The following STRN4 variants were observed in gnomAD, a reference collection of about 807,000 sequenced individuals.
STRN4 encodes the protein striatin 4.
Under a neutral mutation model 77.9 loss-of-function variants are expected in STRN4, and 27 were observed. The observed-to-expected ratio is 0.35, with a 90% CI of 0.26 to 0.48. STRN4 has a LOEUF of 0.48. Among genes scored for constraint, STRN4 ranks in the 20% least tolerant of loss-of-function variants. The pLI, the probability that STRN4 is intolerant of heterozygous loss-of-function variation, is 0.99. For missense variants in STRN4, 798 were observed against 1,049.7 expected, an observed-to-expected ratio of 0.76 and a Z score of 3.31; for synonymous variants, 466 against 443.1, an observed-to-expected ratio of 1.05 and a Z score of -0.65.
Position 46,725,882 on chromosome 19 carries a change from G to A in STRN4, c.1249-234C>T, listed in dbSNP as rs144257868. 120 of 567,894 alleles carry A rather than the reference G, an allele frequency of 2.1e-4. 1 individual carries two copies. The Middle Eastern group carries it at 7.6e-3, about 36-fold the overall frequency. The allele number at this position is 567,894 out of a possible 1,614,324, so 35.2% of individuals were successfully genotyped here. On this transcript the variant is annotated intron_variant, in intron 9 of 17. Transcript: ENST00000263280. ...GTTCTGGAGAGACAAAGGTGAGCCT[G>A]ACCCCTTGGGGTCTTGCAGTTGAGA...
At position 46,727,896 on chromosome 19, in the gene STRN4, T is replaced by A. The variant is rs1336077586; in HGVS notation, c.1151A>T (p.Glu384Val). ...PPGTPQPRPH[E>V]DVFIMDTIGG... ...ACCAGGTGGGGGGTGCCTCTTACCTTCATGTGGCCGGGGCTGGGGTGTGCC... is the reference window on the plus strand; with the variant it reads ...ACCAGGTGGGGGGTGCCTCTTACCTACATGTGGCCGGGGCTGGGGTGTGCC... Residue 384 changes from glutamate to valine, a missense_variant and splice_region_variant, in exon 8 of 18, where the codon GAA becomes GTA. Transcript: ENST00000263280. 17 of 1,601,418 alleles carry A rather than the reference T, an allele frequency of 1.1e-5. No homozygotes were observed. The highest frequency in any genetic ancestry group is 1.4e-5 in the Non-Finnish European group (16 of 1,172,516).
chr19:46,741,103 G>C lies in STRN4; in HGVS notation c.283-2215C>G, dbSNP rs889967592. ...AGCTCCAGCTAAAACATGGAGAACTGACTGGAGGGAGTTCTGGAGGGAGAC... is the reference window on the plus strand; with the variant it reads ...AGCTCCAGCTAAAACATGGAGAACTCACTGGAGGGAGTTCTGGAGGGAGAC... On this transcript the variant is annotated intron_variant, in intron 1 of 17. Coordinates refer to ENST00000263280, the MANE Select transcript of STRN4 (RefSeq NM_013403.3). The surrounding 1 kb of genome is among the most constrained non-coding windows in gnomAD (Gnocchi z 4.9). Among the ~76,000 whole-genome samples the C allele has an allele frequency of 1.3e-5, 2 of 152,206 alleles. No individual in the cohort carries two copies. Among genetic ancestry groups the C allele is most frequent in the African/African-American group, 4.8e-5 (2 of 41,464 alleles).
chr19:46,728,566 A>C, intron 7 of STRN4, 52 bp downstream of exon 7: 1 of 1,583,380 alleles, frequency 6.3e-7, no homozygotes. Context: ...GCCTGCTCCC[A>C]CCCCCTCGGT....
At position 46,723,134 on chromosome 19, in the gene STRN4, C is replaced by CAG. The variant is rs1326156554; in HGVS notation, c.1743_1744dup (p.Cys582SerfsTer64). On this transcript the variant is annotated frameshift_variant, in exon 13 of 18. Transcript: ENST00000263280. LOFTEE classifies it high-confidence loss of function. This position sits in a 1 kb window ranked among gnomAD's most constrained non-coding sequence, Gnocchi z 5.5. ...CTCACCGCTGGCTGTGGGGAAGGTG[C>CAG]AGAGGCAGGCCGGGCTGCTGCTGCT... is the stretch of plus-strand genomic sequence containing the variant. 3 of 1,568,174 alleles carry CAG rather than the reference C, an allele frequency of 1.9e-6. No individual in the cohort carries two copies. The African/African-American group carries it at 4.1e-5, about 21-fold the overall frequency.
Position 46,733,058 on chromosome 19 carries a change from T to G in STRN4, c.718A>C (p.Ile240Leu). 1 of 1,611,526 alleles carries G rather than the reference T, an allele frequency of 6.2e-7. No homozygotes were observed. The highest frequency in any genetic ancestry group is 2.2e-5 in the East Asian group (1 of 44,784). ...GCTCACCTCTTTATCTGCTCCTCGATCTGTTTCACCAGCAGCGACTCCCCA... is the reference window on the plus strand; with the variant it reads ...GCTCACCTCTTTATCTGCTCCTCGAGCTGTTTCACCAGCAGCGACTCCCCA... ...SGGESLLVKQ[I>L]EEQIKRNAAG... Residue 240 changes from isoleucine to leucine, a missense_variant, in exon 5 of 18, where the codon ATC becomes CTC. Ile to Leu is a conservative substitution (Grantham distance 5, BLOSUM62 2). This residue lies in a region of STRN4 where 511 missense variants were observed against 575.9 expected (regional missense o/e 0.89). Coordinates refer to ENST00000263280, the MANE Select transcript of STRN4 (RefSeq NM_013403.3). This position sits in a 1 kb window ranked among gnomAD's most constrained non-coding sequence, Gnocchi z 4.3.
Position 46,733,521 on chromosome 19 carries a change from G to A in STRN4, c.540-285C>T, listed in dbSNP as rs1191631922. On this transcript the variant is annotated intron_variant, in intron 4 of 17. Transcript: ENST00000263280. This position sits in a 1 kb window ranked among gnomAD's most constrained non-coding sequence, Gnocchi z 4.3. ...GCACCCACCGACAGGGGCTGTGTCA[G>A]CAAATGACTCATAGCGCTGCAAGGC... is the stretch of plus-strand genomic sequence containing the variant. 4 of 410,402 alleles carry A rather than the reference G, an allele frequency of 9.7e-6. No homozygotes were observed. The East Asian group carries it at 1.8e-4, about 18-fold the overall frequency. The allele number at this position is 410,402 out of a possible 1,614,324, so 25.4% of individuals were successfully genotyped here. A position where few individuals can be genotyped will look rare whatever the true frequency, so the allele number is the denominator to read the frequency against.
Position 46,741,521 on chromosome 19 carries a change from G to A in STRN4, c.283-2633C>T, listed in dbSNP as rs1223508542. ...AGCGTCAGTGGCCAGTCTCTCCCTCGCTGCAAACGCCAGCAGCCCCCACGG... is the reference window on the plus strand; with the variant it reads ...AGCGTCAGTGGCCAGTCTCTCCCTCACTGCAAACGCCAGCAGCCCCCACGG... On this transcript the variant is annotated intron_variant, in intron 1 of 17. Coordinates refer to ENST00000263280, the MANE Select transcript of STRN4 (RefSeq NM_013403.3). The surrounding 1 kb of genome is among the most constrained non-coding windows in gnomAD (Gnocchi z 4.9). Among the ~76,000 whole-genome samples the A allele has an allele frequency of 1.3e-5, 2 of 152,306 alleles. No individual in the cohort carries two copies. Among genetic ancestry groups the A allele is most frequent in the East Asian group, 1.9e-4 (1 of 5,186 alleles).
At position 46,721,389 on chromosome 19, in the gene STRN4, T is replaced by C. The variant is rs149811497; in HGVS notation, c.2092+597A>G. 8.7e-3 allele frequency: 1,354 copies of C among 154,906 alleles called. 29 individuals carry two copies. The highest frequency in any genetic ancestry group is 0.062 in the South Asian group (323 of 5,192). 9.6% of individuals were successfully genotyped at this position (154,906 alleles called of 1,614,324 possible). A position where few individuals can be genotyped will look rare whatever the true frequency, so the allele number is the denominator to read the frequency against. On this transcript the variant is annotated intron_variant, in intron 16 of 17. Coordinates refer to ENST00000263280, the MANE Select transcript of STRN4 (RefSeq NM_013403.3). ...GTCTGGGCACTGGGCTGGAGCTCAC[T>C]GACCAGCCCCTCACCCACCAGAGGC...
rs995093352 is a variant in STRN4, at chr19:46,746,070, TGGCGGC to T, written c.282+73_282+78del. On this transcript the variant is annotated intron_variant, in intron 1 of 17. Coordinates refer to ENST00000263280, the MANE Select transcript of STRN4 (RefSeq NM_013403.3). ...CGTCCCGGCGGCCATTGCTCCAAGA[TGGCGGC>T]GGCGGCGGCAGCGGGTGAGGCCGGG... 249 of 1,216,422 alleles carry T rather than the reference TGGCGGC, an allele frequency of 2.0e-4. 1 individual carries two copies. Among genetic ancestry groups the T allele is most frequent in the Non-Finnish European group, 2.5e-4 (239 of 965,190 alleles). 75.4% of individuals were successfully genotyped at this position (1,216,422 alleles called of 1,614,324 possible).
In STRN4 at chr19:46,738,777, A is replaced by G; in HGVS notation, c.386+8T>C. 6.8e-6 allele frequency: 11 copies of G among 1,613,870 alleles called. No individual in the cohort carries two copies. The highest frequency in any genetic ancestry group is 9.3e-6 in the Non-Finnish European group (11 of 1,179,838). On this transcript the variant is annotated splice_region_variant and intron_variant, in intron 2 of 17. Transcript: ENST00000263280. This position sits in a 1 kb window ranked among gnomAD's most constrained non-coding sequence, Gnocchi z 4.5. ...AGAAGGCAGGCCCAGGGCAGGATGA[A>G]GGCTCACCTTTCCTGCTTCAGCGCA...
At position 46,723,249 on chromosome 19, in the gene STRN4, C is replaced by G. The variant is rs771337652; in HGVS notation, c.1630G>C (p.Gly544Arg). Residue 544 changes from glycine (G) to arginine (R), a missense_variant, in exon 13 of 18, where the codon GGG (glycine) becomes CGG (arginine). Gly to Arg is a moderately radical substitution (Grantham distance 125). Around this residue, in one of 2 missense-constraint regions of STRN4, gnomAD observed 287 missense variants for 473.8 expected, o/e 0.61. Transcript: ENST00000263280. The surrounding 1 kb of genome is among the most constrained non-coding windows in gnomAD (Gnocchi z 5.5). The stretch of plus-strand genomic sequence containing the variant: ...AAGGCCAGGCCCCACACGGCGTCCC[C>G]GTGGCCCTCCAGGACGTGGCTCAGC... ...SVLSHVLEGH[G>R]DAVWGLAFSP... 16 of 1,550,284 alleles carry G rather than the reference C, an allele frequency of 1.0e-5. No homozygotes were observed. Among genetic ancestry groups the G allele is most frequent in the Non-Finnish European group, 1.3e-5 (15 of 1,148,122 alleles).
chr19:46,746,251 C>T lies in STRN4; in HGVS notation c.180G>A (p.Pro60=). ...GGGSPGPTAG[P]EPLSLPGILH... ...GGATCCCCGGCAGGCTCAGGGGCTCCGGGCCCGCCGTGGGCCCGGGGCTGC... is the reference window on the plus strand; with the variant it reads ...GGATCCCCGGCAGGCTCAGGGGCTCTGGGCCCGCCGTGGGCCCGGGGCTGC... Residue 60 remains proline, a synonymous_variant, in exon 1 of 18, where the codon CCG becomes CCA. Coordinates refer to ENST00000263280, the MANE Select transcript of STRN4 (RefSeq NM_013403.3). 1 of 1,493,336 alleles carries T rather than the reference C, an allele frequency of 6.7e-7. No homozygotes were observed. The highest frequency in any genetic ancestry group is 1.2e-5 in the South Asian group (1 of 80,738). The allele number at this position is 1,493,336 out of a possible 1,614,324, so 92.5% of individuals were successfully genotyped here.
chr19:46,745,210 C>G (rs957081277), intron 1 of STRN4, among the ~76,000 whole-genome samples: 1 of 152,086 alleles, frequency 6.6e-6, no homozygotes, highest in Non-Finnish European at 1.5e-5. Flanking sequence ...GTTCAGGGCT[C>G]TCTACCTACA....
At chr19:46,728,589 C>A in intron 7 of STRN4, 29 bp downstream of exon 7, 1 of 1,601,528 alleles carries the variant, frequency 6.2e-7, no homozygotes, top group Non-Finnish European at 8.5e-7. Flanking sequence ...GGAAGGCAAG[C>A]GGGGGCTGGC....
intron 4 of STRN4, among the ~76,000 whole-genome samples, chr19:46,735,975 A>G (rs1490535117): frequency 6.8e-6 from 1 of 147,690 alleles, no homozygotes; most frequent in Non-Finnish European, 1.5e-5. Flanking sequence ...AAATAATAAT[A>G]ATAATGATAA....
At chr19:46,727,310 C>T in intron 9 of STRN4, 142 bp downstream of exon 9, 1 of 700,998 alleles carries the variant, frequency 1.4e-6, no homozygotes, top group Non-Finnish European at 2.4e-6. Context: ...CGACCGCAGT[C>T]AAGTCCCTCC....
rs114987832 is a variant in STRN4, at chr19:46,733,736, C to T, written c.540-500G>A. The T allele has an allele frequency of 6.2e-3, 949 of 154,102 alleles. 14 individuals carry two copies. The highest frequency in any genetic ancestry group is 0.021 in the African/African-American group (881 of 41,536). The allele number at this position is 154,102 out of a possible 1,614,324, so 9.5% of individuals were successfully genotyped here. A position where few individuals can be genotyped will look rare whatever the true frequency, so the allele number is the denominator to read the frequency against. ...GTCCCCCAAGAGGCCTAGAAAGATC[C>T]ATAAAAAACATAACAGCAGTGACCT... On this transcript the variant is annotated intron_variant, in intron 4 of 17. Transcript: ENST00000263280. The surrounding 1 kb of genome is among the most constrained non-coding windows in gnomAD (Gnocchi z 4.3).
chr19:46,727,452 A>C lies in STRN4; in HGVS notation c.1248T>G (p.Asp416Glu), dbSNP rs142188774. ...TVTNDNDLSC[D>E]LSDSKDAFKK... Reference sequence around the variant, plus strand: ...TGTGGGGGGCACCCGGAGAACTTACATCGCAGCTGAGGTCGTTGTCGTTGG... The same window carrying C: ...TGTGGGGGGCACCCGGAGAACTTACCTCGCAGCTGAGGTCGTTGTCGTTGG... Residue 416 changes from aspartate to glutamate, a missense_variant and splice_region_variant, in exon 9 of 18, where the codon GAT (aspartate) becomes GAG (glutamate). Asp to Glu is a conservative substitution (Grantham distance 45). Around this residue, in one of 2 missense-constraint regions of STRN4, gnomAD observed 511 missense variants for 575.9 expected, o/e 0.89. Transcript: ENST00000263280. The C allele has an allele frequency of 5.0e-6, 8 of 1,613,252 alleles. No individual in the cohort carries two copies. The African/African-American group carries it at 9.3e-5, about 19-fold the overall frequency.
intron 1 of STRN4, among the ~76,000 whole-genome samples, chr19:46,739,947 C>A (rs187323924): frequency 6.6e-6 from 1 of 152,298 alleles, no homozygotes; most frequent in East Asian, 1.9e-4. Context: ...GGGCCCAGTT[C>A]CTTACGGGAG....
Sources: gnomAD v4.1 joint callset for allele counts (sites outside exome capture counted in the v4.1 genomes callset) on GRCh38, gnomAD v4.1.1 for gene constraint, gnomAD v4.1.1 regional missense constraint, Gnocchi (gnomAD v3.1) non-coding constraint, MANE v1.5 for transcripts, NCBI Gene and HGNC (gene_info 2026-07-23, HGNC 2026-07-21) for gene names.